MAP4K3: variants seen among roughly 807,000 people sequenced by gnomAD.
MAP4K3 encodes mitogen-activated protein kinase kinase kinase kinase 3.
Under a neutral mutation model 143.5 loss-of-function variants are expected in MAP4K3, and 94 were observed. The ratio of observed to expected loss-of-function variants is 0.65; its 90% CI spans 0.55 to 0.78. The LOEUF (loss-of-function observed/expected upper bound fraction) is 0.78. Among genes scored for constraint, MAP4K3 ranks in the 30% least tolerant of loss-of-function variants. The probability of loss-of-function intolerance (pLI) is 0.00; values close to 1 mark genes in which losing one functional copy is unlikely to be tolerated. For synonymous variants in MAP4K3, 416 were observed against 347.2 expected (o/e 1.20, Z -2.20); for missense variants, 1,077 against 1,068.1 (o/e 1.01, Z -0.12).
intron 1 of MAP4K3, among the ~76,000 whole-genome samples, chr2:39,417,843 C>A (rs1267329837): frequency 6.6e-6 from 1 of 152,102 alleles, no homozygotes; most frequent in Non-Finnish European, 1.5e-5. Context: ...GTCTGCTTAT[C>A]AGGCTAGGGC....
intron 1 of MAP4K3, among the ~76,000 whole-genome samples, chr2:39,426,694 T>C (rs966268564): frequency 2.0e-4 from 31 of 152,116 alleles, no homozygotes; most frequent in Non-Finnish European, 1.5e-5. Flanking sequence ...GCAATTATCC[T>C]GTGAATTGAA....
At chr2:39,429,246 C>A (rs1041805615) in intron 1 of MAP4K3, among the ~76,000 whole-genome samples, 44 of 151,832 alleles carry the variant, frequency 2.9e-4, no homozygotes, top group Non-Finnish European at 2.9e-5. Flanking sequence ...TGTTTCACTG[C>A]AATATTAGTA....
chr2:39,367,100 CTATT>C (rs1264779394), intron 2 of MAP4K3, among the ~76,000 whole-genome samples: 2 of 152,068 alleles, frequency 1.3e-5, no homozygotes, highest in African/African-American at 4.8e-5. Flanking sequence ...AACTTAGAGT[CTATT>C]TATTTGTTTG....
intron 12 of MAP4K3, among the ~76,000 whole-genome samples, chr2:39,320,287 C>T (rs1460299388): frequency 6.6e-6 from 1 of 152,200 alleles, no homozygotes; most frequent in East Asian, 1.9e-4. Context: ...TCTGCGTCAA[C>T]TCCTTATATC....
chr2:39,290,193 T>C, intron 19 of MAP4K3, 99 bp downstream of exon 19: 1 of 816,894 alleles, frequency 1.2e-6, no homozygotes, highest in Non-Finnish European at 1.9e-6. Flanking sequence ...GATTTTTCTT[T>C]GTGGATCACA....
rs1681796951 is a variant in MAP4K3, at chr2:39,286,835, T to A, written c.1587+17A>T. 3.3e-6 allele frequency: 5 copies of A among 1,509,642 alleles called. No individual in the cohort carries two copies. The highest frequency in any genetic ancestry group is 4.5e-6 in the Non-Finnish European group (5 of 1,105,852). 93.5% of individuals were successfully genotyped at this position (1,509,642 alleles called of 1,614,324 possible). A position where few individuals can be genotyped will look rare whatever the true frequency, so the allele number is the denominator to read the frequency against. ...AGGAAACAAATACAAGTAGAACTTA[T>A]GACTATCAATACCTACTGGTACATC... On this transcript the variant is annotated intron_variant, in intron 21 of 33. Coordinates refer to ENST00000263881, the MANE Select transcript of MAP4K3 (RefSeq NM_003618.4).
intron 12 of MAP4K3, among the ~76,000 whole-genome samples, chr2:39,320,213 TC>T (rs1264086186): frequency 6.6e-6 from 1 of 152,180 alleles, no homozygotes; most frequent in Non-Finnish European, 1.5e-5. Context: ...TTTCAATAAT[TC>T]AATAGCTGTT....
At chr2:39,395,201 C>A (rs1367987240) in intron 1 of MAP4K3, among the ~76,000 whole-genome samples, 2 of 152,060 alleles carry the variant, frequency 1.3e-5, no homozygotes, top group Non-Finnish European at 2.9e-5. Context: ...GTGCAATAAA[C>A]CCACCTGCAA....
At chr2:39,311,952 T>C (rs1682951990) in intron 13 of MAP4K3, among the ~76,000 whole-genome samples, 3 of 152,164 alleles carry the variant, frequency 2.0e-5, no homozygotes, top group Admixed American at 2.0e-4. Context: ...GATCCATAAG[T>C]AGTGGTACAG....
chr2:39,363,446 T>C (rs984043575), intron 2 of MAP4K3, among the ~76,000 whole-genome samples: 1 of 152,112 alleles, frequency 6.6e-6, no homozygotes, highest in Non-Finnish European at 1.5e-5. Flanking sequence ...GGTGGGTGGA[T>C]CACCTGAGGT....
At chr2:39,333,950 GT>G (rs554425484) in intron 6 of MAP4K3, among the ~76,000 whole-genome samples, 1 of 141,444 alleles carries the variant, frequency 7.1e-6, no homozygotes, top group East Asian at 2.2e-4. Flanking sequence ...CTTGATTATT[GT>G]TTCCCATTTT....
intron 1 of MAP4K3, among the ~76,000 whole-genome samples, chr2:39,416,589 G>A (rs1338740185): frequency 6.6e-6 from 1 of 152,172 alleles, no homozygotes; most frequent in Non-Finnish European, 1.5e-5. Flanking sequence ...TCTTCAACCA[G>A]AAGAAAGCAA....
At chr2:39,250,971 G>A (rs919155559) in intron 33 of MAP4K3, among the ~76,000 whole-genome samples, 15 of 152,166 alleles carry the variant, frequency 9.9e-5, no homozygotes, top group Non-Finnish European at 2.1e-4. Flanking sequence ...TTATTTGGGG[G>A]AACTTAATTC....
At chr2:39,316,068 A>T (rs1683104421) in intron 12 of MAP4K3, among the ~76,000 whole-genome samples, 1 of 152,086 alleles carries the variant, frequency 6.6e-6, no homozygotes, top group Admixed American at 6.6e-5. Context: ...TAATTAAAAA[A>T]ATGCTCTCCA....
At chr2:39,395,946 C>A (rs1169165278) in intron 1 of MAP4K3, among the ~76,000 whole-genome samples, 1 of 152,100 alleles carries the variant, frequency 6.6e-6, no homozygotes, top group East Asian at 1.9e-4. Flanking sequence ...ATGATAGATA[C>A]AGTATTCATT....
At chr2:39,374,236 G>C (rs556422493) in intron 2 of MAP4K3, among the ~76,000 whole-genome samples, 3 of 152,218 alleles carry the variant, frequency 2.0e-5, no homozygotes, top group African/African-American at 4.8e-5. Flanking sequence ...ACAAAAATTA[G>C]CCAGGCATGG....
intron 24 of MAP4K3, among the ~76,000 whole-genome samples, chr2:39,275,627 G>A (rs1276307957): frequency 6.6e-6 from 1 of 151,888 alleles, no homozygotes; most frequent in Non-Finnish European, 1.5e-5. Flanking sequence ...ATAAAAATAT[G>A]ACCACCTTTG....
intron 27 of MAP4K3, among the ~76,000 whole-genome samples, chr2:39,266,457 C>G (rs1408515584): frequency 9.2e-5 from 14 of 152,196 alleles, no homozygotes. Flanking sequence ...CTGTATCCAG[C>G]TAAGCGAATA....
intron 24 of MAP4K3, among the ~76,000 whole-genome samples, chr2:39,274,468 C>G: frequency 6.6e-6 from 1 of 152,140 alleles, no homozygotes; most frequent in Non-Finnish European, 1.5e-5. Flanking sequence ...GATCCACTCA[C>G]CTCGGCCTCC....
Sources: gnomAD v4.1 joint callset for allele counts (sites outside exome capture counted in the v4.1 genomes callset) on GRCh38, gnomAD v4.1.1 for gene constraint, MANE v1.5 for transcripts, NCBI Gene and HGNC (gene_info 2026-07-23, HGNC 2026-07-21) for gene names.